Variants in ERC2 observed in about 807,000 individuals in gnomAD.
The protein encoded by ERC2 is ERC protein 2.
A neutral mutation model predicts 114.8 loss-of-function variants in ERC2; 42 were observed. The ratio of observed to expected loss-of-function variants is 0.37; its 90% CI spans 0.29 to 0.47. ERC2 has a LOEUF of 0.47. Ranked by LOEUF, ERC2 falls within the 20% of genes least tolerant of loss-of-function variation. ERC2 has a pLI of 0.99. For missense variants in ERC2, 939 were observed against 1,150.7 expected, an observed-to-expected ratio of 0.82 and a Z score of 2.66; for synonymous variants, 454 against 425.5, an observed-to-expected ratio of 1.07 and a Z score of -0.82.
intron 6 of ERC2, among the ~76,000 whole-genome samples, chr3:56,120,759 C>T (rs1015078327): frequency 3.9e-5 from 6 of 152,172 alleles, no homozygotes; most frequent in Non-Finnish European, 8.8e-5. Flanking sequence ...CTATTTCATT[C>T]AGACCTTCCA....
At chr3:55,944,641 A>G (rs971795667) in intron 13 of ERC2, among the ~76,000 whole-genome samples, 3 of 152,198 alleles carry the variant, frequency 2.0e-5, no homozygotes, top group Admixed American at 6.5e-5. Flanking sequence ...ATTGCACAGG[A>G]TGTCTTGTTG....
intron 14 of ERC2, among the ~76,000 whole-genome samples, chr3:55,772,660 C>G (rs547906900): frequency 3.9e-5 from 6 of 152,212 alleles, no homozygotes; most frequent in Admixed American, 6.5e-5. Flanking sequence ...TTCAAGTTAT[C>G]ACCCATCCTT....
intron 17 of ERC2, among the ~76,000 whole-genome samples, chr3:55,527,584 T>C (rs1160733342): frequency 6.6e-6 from 1 of 152,202 alleles, no homozygotes; most frequent in East Asian, 1.9e-4. Flanking sequence ...TAAGAGAATC[T>C]GAAGTTCAGG....
intron 2 of ERC2, among the ~76,000 whole-genome samples, chr3:56,339,137 GA>G (rs2057983661): frequency 6.6e-6 from 1 of 152,126 alleles, no homozygotes; most frequent in African/African-American, 2.4e-5. Context: ...TCTAATAAGA[GA>G]AAAGTTAATA....
chr3:55,958,784 G>C (rs1585225), intron 12 of ERC2, among the ~76,000 whole-genome samples: 43,486 of 152,154 alleles, frequency 0.29, 7,418 homozygotes, highest in Middle Eastern at 0.36. Context: ...ACAGGAGCAG[G>C]CACCAGGAGT....
At chr3:56,193,200 C>G (rs969108949) in intron 3 of ERC2, among the ~76,000 whole-genome samples, 1 of 152,024 alleles carries the variant, frequency 6.6e-6, no homozygotes, top group African/African-American at 2.4e-5. Context: ...AAAATATAAA[C>G]CGTGTGAAAA....
chr3:56,341,344 T>A (rs1345684031), intron 2 of ERC2, among the ~76,000 whole-genome samples: 2 of 152,178 alleles, frequency 1.3e-5, no homozygotes, highest in East Asian at 1.9e-4. Context: ...TTAGGAGATA[T>A]TCTGCCAATT....
intron 4 of ERC2, among the ~76,000 whole-genome samples, chr3:56,156,634 C>T (rs2081738157): frequency 1.3e-5 from 2 of 152,254 alleles, no homozygotes; most frequent in African/African-American, 2.4e-5. Context: ...TGTACCTGTG[C>T]CTCTCATCTG....
intron 14 of ERC2, among the ~76,000 whole-genome samples, chr3:55,887,942 T>C (rs1224327965): frequency 6.6e-6 from 1 of 152,148 alleles, no homozygotes; most frequent in African/African-American, 2.4e-5. Context: ...TCTGTGAGAG[T>C]CAACACAAAC....
chr3:55,515,710 G>A (rs990674222), intron 17 of ERC2, among the ~76,000 whole-genome samples: 5 of 152,004 alleles, frequency 3.3e-5, no homozygotes, highest in African/African-American at 1.2e-4. Context: ...TGTGAGGGGC[G>A]GGGTGGGTGA....
intron 14 of ERC2, among the ~76,000 whole-genome samples, chr3:55,856,570 C>G (rs1264210158): frequency 6.6e-6 from 1 of 152,092 alleles, no homozygotes; most frequent in African/African-American, 2.4e-5. Context: ...ATGTATATGT[C>G]TCTGCGTGTA....
intron 12 of ERC2, among the ~76,000 whole-genome samples, chr3:55,966,314 G>GT (rs1256800021): frequency 6.6e-6 from 1 of 152,138 alleles, no homozygotes; most frequent in Admixed American, 6.5e-5. Flanking sequence ...GGTACCCACA[G>GT]TTTTTCATGC....
chr3:55,942,417 T>A (rs896942494), intron 13 of ERC2, among the ~76,000 whole-genome samples: 2 of 149,370 alleles, frequency 1.3e-5, no homozygotes, highest in African/African-American at 4.9e-5. Flanking sequence ...GCCTCCCAAG[T>A]AGCTGGGACT....
intron 2 of ERC2, among the ~76,000 whole-genome samples, chr3:56,391,435 A>C (rs978927643): frequency 3.3e-5 from 5 of 152,202 alleles, no homozygotes; most frequent in South Asian, 2.1e-4. Context: ...TCTCACATCA[A>C]CTATGAGGTA....
intron 6 of ERC2, among the ~76,000 whole-genome samples, chr3:56,096,925 C>T (rs2078096630): frequency 6.6e-6 from 1 of 152,222 alleles, no homozygotes; most frequent in Admixed American, 6.5e-5. Context: ...ATCCTATCCT[C>T]AGACATTCAG....
intron 17 of ERC2, among the ~76,000 whole-genome samples, chr3:55,591,607 G>A (rs781356218): frequency 6.6e-5 from 10 of 151,900 alleles, no homozygotes; most frequent in South Asian, 2.1e-4. Context: ...GTGTGCGCGC[G>A]CGTGTGGTTT....
At chr3:55,521,095 G>C (rs924478204) in intron 17 of ERC2, among the ~76,000 whole-genome samples, 1 of 152,214 alleles carries the variant, frequency 6.6e-6, no homozygotes, top group African/African-American at 2.4e-5. Flanking sequence ...GGATTTGAAG[G>C]CGCCCTTCCC....
chr3:56,444,723 C>G (rs977704934), intron 1 of ERC2, among the ~76,000 whole-genome samples: 2 of 152,196 alleles, frequency 1.3e-5, no homozygotes, highest in South Asian at 2.1e-4. Context: ...GCTATCTGCT[C>G]TAAATTAGGT....
intron 10 of ERC2, among the ~76,000 whole-genome samples, chr3:56,005,700 A>C (rs1411935783): frequency 2.0e-5 from 3 of 152,072 alleles, no homozygotes; most frequent in African/African-American, 7.2e-5. Flanking sequence ...TTCTCGACTC[A>C]GCACACTGTG....
Sources: gnomAD v4.1 joint callset for allele counts (sites outside exome capture counted in the v4.1 genomes callset) on GRCh38, gnomAD v4.1.1 for gene constraint, MANE v1.5 for transcripts, NCBI Gene and HGNC (gene_info 2026-07-23, HGNC 2026-07-21) for gene names.